The following MEGF10 variants were observed in gnomAD, a reference collection of about 807,000 sequenced individuals.
MEGF10 encodes the protein multiple EGF like domains 10, also known as multiple epidermal growth factor-like domains protein 10.
MEGF10 carries 86 observed loss-of-function variants against 147.5 expected under a neutral mutation model. The ratio of observed to expected loss-of-function variants is 0.58; its 90% CI spans 0.49 to 0.70. MEGF10 has a LOEUF of 0.70. MEGF10 is among the 30% of genes least tolerant of loss of function. The pLI is 0.00. For missense variants in MEGF10, 1,329 were observed against 1,487.3 expected (o/e 0.89, Z 1.75); for synonymous variants, 478 against 525.5 (o/e 0.91, Z 1.24).
intron 24 of MEGF10, among the ~76,000 whole-genome samples, chr5:127,456,731 C>T (rs1486146166): frequency 6.6e-6 from 1 of 152,176 alleles, no homozygotes; most frequent in African/African-American, 2.4e-5. Context: ...GTCTTGAGTC[C>T]TAAAGTTCTG....
intron 13 of MEGF10, chr5:127,424,330 C>G (rs1355700228): frequency 1.4e-6 from 1 of 707,288 alleles, no homozygotes; most frequent in East Asian, 2.7e-5. Flanking sequence ...ATTGGTTTTT[C>G]TTTTTCAGGA....
intron 1 of MEGF10, among the ~76,000 whole-genome samples, chr5:127,313,109 C>T (rs1299760080): frequency 1.3e-5 from 2 of 152,112 alleles, no homozygotes; most frequent in African/African-American, 4.8e-5. Context: ...CAGCTGAAAA[C>T]TTTCTCTTTA....
intron 5 of MEGF10, among the ~76,000 whole-genome samples, chr5:127,372,303 A>G (rs1287471005): frequency 6.6e-6 from 1 of 152,168 alleles, no homozygotes; most frequent in East Asian, 1.9e-4. Context: ...TTAAAATACA[A>G]ATTGGTTTTA....
chr5:127,420,771 C>T (rs998295882), intron 12 of MEGF10, among the ~76,000 whole-genome samples: 7 of 152,218 alleles, frequency 4.6e-5, no homozygotes, highest in African/African-American at 1.7e-4. Flanking sequence ...AAATCTCATA[C>T]TGCATCTACC....
chr5:127,316,710 A>G (rs551891024), intron 1 of MEGF10, among the ~76,000 whole-genome samples: 2 of 152,304 alleles, frequency 1.3e-5, no homozygotes, highest in South Asian at 4.1e-4. Flanking sequence ...TCATTCAAGA[A>G]TACCAAGAAC....
Position 127,416,994 on chromosome 5 carries a change from T to C in MEGF10, c.1131-644T>C, listed in dbSNP as rs1046917311. Among the ~76,000 whole-genome samples the C allele has an allele frequency of 4.6e-5, 7 of 152,246 alleles. No individual in the cohort carries two copies. The South Asian group carries it at 1.4e-3, about 32-fold the overall frequency. ...GACCATCTTTAAACAGTCTTCCTCT[T>C]GTCAGGAGAACTAGTTTGATTGTTA... On this transcript the variant is annotated intron_variant, in intron 9 of 24. Coordinates refer to ENST00000503335, the MANE Select transcript of MEGF10 (RefSeq NM_001256545.2).
At chr5:127,402,354 T>C (rs186578309) in intron 7 of MEGF10, among the ~76,000 whole-genome samples, 192 bp from the exon 8 acceptor site, 43 of 152,356 alleles carry the variant, frequency 2.8e-4, no homozygotes, top group African/African-American at 1.0e-3. Context: ...TACTGAGTAA[T>C]TAAGTCAATT....
chr5:127,334,145 C>T lies in MEGF10; in HGVS notation c.116+2721C>T, dbSNP rs927114218. 1.1e-4 allele frequency among the ~76,000 whole-genome samples: 17 copies of T among 152,118 alleles called. No homozygotes were observed. In the East Asian group the frequency reaches 1.4e-3, roughly 12 times the overall value. ...CAAATAAAGGCACAGGTGACAGGTT[C>T]GTCTAGTATTTTCAAAAATGTAAAT... On this transcript the variant is annotated intron_variant, in intron 2 of 24. Coordinates refer to ENST00000503335, the MANE Select transcript of MEGF10 (RefSeq NM_001256545.2).
intron 9 of MEGF10, among the ~76,000 whole-genome samples, 162 bp downstream of exon 9, chr5:127,410,763 A>G (rs1039153239): frequency 6.6e-6 from 1 of 152,252 alleles, no homozygotes; most frequent in African/African-American, 2.4e-5. Flanking sequence ...AGACATTTTA[A>G]CTTAATGTGT....
chr5:127,439,734 C>T (rs1450112101), intron 17 of MEGF10, among the ~76,000 whole-genome samples: 3 of 152,204 alleles, frequency 2.0e-5, no homozygotes, highest in African/African-American at 4.8e-5. Flanking sequence ...GTGTTTGAAT[C>T]ATGGCCCTGC....
chr5:127,320,715 G>T (rs112481364), intron 1 of MEGF10, among the ~76,000 whole-genome samples: 1 of 152,150 alleles, frequency 6.6e-6, no homozygotes, highest in Non-Finnish European at 1.5e-5. Flanking sequence ...CAGTTTCCTC[G>T]CATTTTGCCT....
rs540660201 is a variant in MEGF10 at position 127,448,809 on chromosome 5, C to G, written c.2857-290C>G. 4.8e-5 allele frequency among the ~76,000 whole-genome samples: 7 copies of G among 145,146 alleles called. No homozygotes were observed. In the South Asian group the frequency reaches 1.5e-3, roughly 31 times the overall value. ...AGAGTTCTTTTTTTTTTTTTTTTTCCAAATCAAAGTTACATGTGTATAAAT... is the reference window on the plus strand; with the variant it reads ...AGAGTTCTTTTTTTTTTTTTTTTTCGAAATCAAAGTTACATGTGTATAAAT... On this transcript the variant is annotated intron_variant, in intron 21 of 24. Transcript: ENST00000503335.
chr5:127,369,452 G>A (rs1346402786), intron 4 of MEGF10, among the ~76,000 whole-genome samples: 1 of 152,118 alleles, frequency 6.6e-6, no homozygotes. Context: ...AAAGAAGTGT[G>A]ACTATTGTTT....
chr5:127,450,458 C>T (rs1461701800), intron 22 of MEGF10, among the ~76,000 whole-genome samples: 2 of 152,148 alleles, frequency 1.3e-5, no homozygotes, highest in South Asian at 2.1e-4. Context: ...ATTAATTATG[C>T]AGTGCAGTTT....
the MEGF10 span, among the ~76,000 whole-genome samples, chr5:127,278,957 G>A: frequency 6.6e-6 from 1 of 152,156 alleles, no homozygotes; most frequent in Non-Finnish European, 1.5e-5. Flanking sequence ...AATTTAGAGT[G>A]ATGCTCATTA....
chr5:127,317,902 TA>T lies in MEGF10; in HGVS notation c.-18-13380del, dbSNP rs376602578. On this transcript the variant is annotated intron_variant, in intron 1 of 24. Coordinates refer to ENST00000503335, the MANE Select transcript of MEGF10 (RefSeq NM_001256545.2). ...GTACCCCCTAGAACTTAAAGTGTAA[TA>T]AAAAAAAAGTGAGGGGGGAGTGTGA... Among the ~76,000 whole-genome samples, 125 of 150,868 alleles carry T rather than the reference TA, an allele frequency of 8.3e-4. 2 individuals carry two copies. The South Asian group carries it at 0.017, about 21-fold the overall frequency.
intron 1 of MEGF10, among the ~76,000 whole-genome samples, chr5:127,309,971 T>TTCTC (rs1207033448): frequency 2.9e-5 from 2 of 68,252 alleles, no homozygotes; most frequent in African/African-American, 1.2e-4. Flanking sequence ...CTTTCTTTCT[T>TTCTC]TCTTTCTTTC....
intron 22 of MEGF10, among the ~76,000 whole-genome samples, chr5:127,449,618 G>A (rs41298320): frequency 0.13 from 19,383 of 152,214 alleles, 2,303 homozygotes; most frequent in African/African-American, 0.31. Context: ...CTCATCGCCT[G>A]TTAAATGTTA....
intron 13 of MEGF10, among the ~76,000 whole-genome samples, chr5:127,425,838 T>G (rs977058149): frequency 6.6e-6 from 1 of 152,238 alleles, no homozygotes; most frequent in African/African-American, 2.4e-5. Flanking sequence ...CAAGCAATTC[T>G]ATTTCTTCTC....
Sources: gnomAD v4.1 joint callset for allele counts (sites outside exome capture counted in the v4.1 genomes callset) on GRCh38, gnomAD v4.1.1 for gene constraint, MANE v1.5 for transcripts, NCBI Gene and HGNC (gene_info 2026-07-23, HGNC 2026-07-21) for gene names.